Variants in ATP8A2 observed in about 807,000 individuals in gnomAD.
ATP8A2 encodes the protein ATPase phospholipid transporting 8A2.
In ATP8A2, 100 loss-of-function variants were observed where a neutral mutation model predicts 165.6. The observed-to-expected ratio is 0.60, with a 90% CI of 0.51 to 0.71. The LOEUF (loss-of-function observed/expected upper bound fraction) is 0.71, where lower values mean the gene tolerates loss of function less well. Among genes scored for constraint, ATP8A2 ranks in the 30% least tolerant of loss-of-function variants. The probability of loss-of-function intolerance (pLI) is 0.00; values close to 1 mark genes in which losing one functional copy is unlikely to be tolerated. For synonymous variants in ATP8A2, 543 were observed against 548.8 expected, an observed-to-expected ratio of 0.99 and a Z score of 0.15; for missense variants, 1,227 against 1,479.5, an observed-to-expected ratio of 0.83 and a Z score of 2.80.
At chr13:25,452,676 T>C (rs1439858564) in intron 1 of ATP8A2, among the ~76,000 whole-genome samples, 5 of 152,196 alleles carry the variant, frequency 3.3e-5, no homozygotes, top group African/African-American at 4.8e-5. Flanking sequence ...AGTAAATATA[T>C]TTTTTAGCTT....
chr13:25,580,646 A>C (rs2039749387), intron 22 of ATP8A2, among the ~76,000 whole-genome samples: 1 of 152,070 alleles, frequency 6.6e-6, no homozygotes, highest in Admixed American at 6.5e-5. Context: ...CTAACCTCCT[A>C]CTTCAGCCTT....
chr13:25,615,639 T>A (rs2040804182), intron 24 of ATP8A2, among the ~76,000 whole-genome samples: 1 of 152,182 alleles, frequency 6.6e-6, no homozygotes, highest in African/African-American at 2.4e-5. Flanking sequence ...CTTTCCCTGA[T>A]TCCACTGGTA....
chr13:25,882,935 A>ATGG (rs1555284470), intron 33 of ATP8A2, among the ~76,000 whole-genome samples: 80 of 145,748 alleles, frequency 5.5e-4, no homozygotes, highest in African/African-American at 1.6e-3. Context: ...GATGATGATG[A>ATGG]TGATGGTGAT....
At chr13:25,528,837 G>A (rs1253319628) in intron 2 of ATP8A2, among the ~76,000 whole-genome samples, 2 of 78,958 alleles carry the variant, frequency 2.5e-5, no homozygotes, top group African/African-American at 7.8e-5. Flanking sequence ...TATGCAACAT[G>A]TGTATGCACA....
chr13:25,729,342 G>A (rs2043564531), intron 25 of ATP8A2, among the ~76,000 whole-genome samples: 1 of 152,242 alleles, frequency 6.6e-6, no homozygotes, highest in African/African-American at 2.4e-5. Context: ...AACTAGGGAA[G>A]GATGGAAAGT....
intron 27 of ATP8A2, among the ~76,000 whole-genome samples, chr13:25,788,471 C>T (rs968565158): frequency 6.6e-6 from 1 of 152,126 alleles, no homozygotes; most frequent in Non-Finnish European, 1.5e-5. Context: ...ACACTGAGGC[C>T]GAGAGGGGTT....
chr13:25,592,964 C>T (rs1450635964), intron 24 of ATP8A2, among the ~76,000 whole-genome samples: 1 of 152,158 alleles, frequency 6.6e-6, no homozygotes, highest in East Asian at 1.9e-4. Flanking sequence ...GGTGCACTTT[C>T]TATGTACTGT....
intron 1 of ATP8A2, among the ~76,000 whole-genome samples, chr13:25,433,511 C>A (rs753453292): frequency 1.3e-5 from 2 of 152,082 alleles, no homozygotes; most frequent in Non-Finnish European, 2.9e-5. Context: ...TGGGCTCAAG[C>A]AATCCTCCTG....
chr13:25,911,207 A>G (rs538065848), intron 33 of ATP8A2, among the ~76,000 whole-genome samples: 28 of 152,314 alleles, frequency 1.8e-4, no homozygotes, highest in African/African-American at 6.7e-4. Context: ...GCTTGGAACA[A>G]TAGACTTGCC....
At chr13:25,489,672 C>G (rs1044045296) in intron 2 of ATP8A2, among the ~76,000 whole-genome samples, 1 of 152,218 alleles carries the variant, frequency 6.6e-6, no homozygotes, top group Non-Finnish European at 1.5e-5. Context: ...CAGAATTGAA[C>G]AGAAAATGAG....
intron 27 of ATP8A2, among the ~76,000 whole-genome samples, chr13:25,795,807 G>T (rs1950487546): frequency 6.6e-6 from 1 of 152,190 alleles, no homozygotes; most frequent in South Asian, 2.1e-4. Context: ...TTTTTTTCTG[G>T]TCCTTTATTG....
At chr13:25,659,989 G>A (rs207473604) in intron 24 of ATP8A2, among the ~76,000 whole-genome samples, 1 of 152,144 alleles carries the variant, frequency 6.6e-6, no homozygotes, top group South Asian at 2.1e-4. Flanking sequence ...TAATGAACTA[G>A]AACAAGTTGA....
intron 23 of ATP8A2, among the ~76,000 whole-genome samples, chr13:25,585,616 G>A (rs190343426): frequency 1.3e-5 from 2 of 152,176 alleles, no homozygotes; most frequent in South Asian, 2.1e-4. Context: ...ATTTTATTGT[G>A]TATAAGGTAA....
chr13:25,412,789 C>G (rs1257686460), intron 1 of ATP8A2, among the ~76,000 whole-genome samples: 2 of 152,188 alleles, frequency 1.3e-5, no homozygotes, highest in East Asian at 3.9e-4. Context: ...CAGGTAGGAC[C>G]TACATGAGCA....
intron 35 of ATP8A2, among the ~76,000 whole-genome samples, chr13:25,975,687 A>G (rs1288747202): frequency 1.3e-5 from 2 of 152,228 alleles, no homozygotes; most frequent in South Asian, 2.1e-4. Context: ...CCCAGGTCCA[A>G]TCATTATCAA....
chr13:25,939,861 G>C (rs3783129), intron 33 of ATP8A2, among the ~76,000 whole-genome samples: 62,869 of 152,054 alleles, frequency 0.41, 14,130 homozygotes, highest in African/African-American at 0.61. Context: ...GTTCTCCCAG[G>C]CTTCGCCTTT....
chr13:25,532,585 T>C (rs896599940), intron 5 of ATP8A2, among the ~76,000 whole-genome samples: 2 of 152,208 alleles, frequency 1.3e-5, no homozygotes, highest in African/African-American at 4.8e-5. Context: ...AGTCTAAGCA[T>C]TCATGTCCTT....
At chr13:25,567,217 G>C (rs2039340777) in intron 16 of ATP8A2, 1 of 410,486 alleles carries the variant, frequency 2.4e-6, no homozygotes, top group Non-Finnish European at 4.9e-6. Flanking sequence ...GTGACGTTTT[G>C]GGGTTTTGAC....
At chr13:25,881,206 A>T (rs1282178345) in intron 33 of ATP8A2, among the ~76,000 whole-genome samples, 6 of 152,020 alleles carry the variant, frequency 3.9e-5, no homozygotes. Flanking sequence ...GATTTTTGCC[A>T]GGGGTAACTA....
Sources: allele counts gnomAD v4.1 joint callset (sites outside exome capture counted in the v4.1 genomes callset), GRCh38; gene constraint gnomAD v4.1.1; transcripts MANE v1.5; gene names NCBI Gene and HGNC (gene_info 2026-07-23, HGNC 2026-07-21).